Variants in LRRC37A2 observed in about 807,000 individuals in gnomAD.
LRRC37A2 encodes the protein leucine rich repeat containing 37 member A2.
Under a neutral mutation model 68.8 loss-of-function variants are expected in LRRC37A2, and 9 were observed. The observed-to-expected ratio is 0.13, with a 90% confidence interval of 0.08 to 0.23. The LOEUF is 0.23. LRRC37A2 is among the 10% of genes least tolerant of loss of function. The probability of loss-of-function intolerance (pLI) is 1.00; values close to 1 mark genes in which losing one functional copy is unlikely to be tolerated. For synonymous variants in LRRC37A2, 63 were observed against 367.6 expected, an observed-to-expected ratio of 0.17 and a Z score of 9.48; for missense variants, 168 against 950.4, an observed-to-expected ratio of 0.18 and a Z score of 10.82.
the LRRC37A2 span, among the ~76,000 whole-genome samples, chr17:46,736,176 C>G: frequency 9.9e-4 from 150 of 152,270 alleles, 1 homozygote; most frequent in South Asian, 3.5e-3. Flanking sequence ...CATCCTAAGA[C>G]AAATACTCTT....
the LRRC37A2 span, among the ~76,000 whole-genome samples, chr17:46,391,527 A>G: frequency 2.9e-5 from 2 of 69,168 alleles, 1 homozygote; most frequent in African/African-American, 7.6e-5. Flanking sequence ...AGGAGCGGGC[A>G]GTATGAGATG....
chr17:46,687,405 C>G, the LRRC37A2 span, among the ~76,000 whole-genome samples: 3 of 151,210 alleles, frequency 2.0e-5, no homozygotes, highest in African/African-American at 7.3e-5. Context: ...AACAAACAAA[C>G]AAAAAAAATT....
At chr17:46,996,582 G>T in the LRRC37A2 span, among the ~76,000 whole-genome samples, 85 of 152,360 alleles carry the variant, frequency 5.6e-4, no homozygotes, top group African/African-American at 1.9e-3. Flanking sequence ...GGGCCCAGGG[G>T]CCCCTAGGCC....
chr17:46,940,233 G>T, the LRRC37A2 span: 6 of 1,421,140 alleles, frequency 4.2e-6, no homozygotes, highest in South Asian at 9.4e-5. Flanking sequence ...TGAGTTTCCT[G>T]GATGCTAATT....
the LRRC37A2 span, among the ~76,000 whole-genome samples, chr17:46,678,516 G>A: frequency 5.4e-3 from 821 of 151,222 alleles, 15 homozygotes; most frequent in African/African-American, 0.018. Context: ...AGAGAATACC[G>A]TTTAAAGGTC....
the LRRC37A2 span, among the ~76,000 whole-genome samples, chr17:46,765,582 CAAG>C: frequency 2.0e-5 from 3 of 152,252 alleles, no homozygotes; most frequent in South Asian, 6.3e-4. Context: ...TCAGGGAAGA[CAAG>C]AGAACAGCTA....
At chr17:46,852,326 C>T in the LRRC37A2 span, among the ~76,000 whole-genome samples, 1 of 151,774 alleles carries the variant, frequency 6.6e-6, no homozygotes, top group Admixed American at 6.6e-5. Context: ...GGAAATGCGA[C>T]CACATCTCAG....
the LRRC37A2 span, among the ~76,000 whole-genome samples, chr17:46,493,683 A>G: frequency 6.7e-6 from 1 of 148,746 alleles, no homozygotes; most frequent in Non-Finnish European, 1.5e-5. Context: ...GACTACAGGC[A>G]CCCGCCCCCA....
the LRRC37A2 span, among the ~76,000 whole-genome samples, chr17:46,742,056 A>C: frequency 6.6e-6 from 1 of 152,202 alleles, no homozygotes; most frequent in East Asian, 1.9e-4. Context: ...ACTGGCCAAT[A>C]GTACTTGTTA....
chr17:46,947,695 A>G, the LRRC37A2 span, among the ~76,000 whole-genome samples: 1 of 152,198 alleles, frequency 6.6e-6, no homozygotes, highest in South Asian at 2.1e-4. Context: ...CTGTCTGTAT[A>G]GTGAGAATAA....
At chr17:46,493,531 T>A in the LRRC37A2 span, among the ~76,000 whole-genome samples, 3 of 109,956 alleles carry the variant, frequency 2.7e-5, no homozygotes, top group African/African-American at 9.8e-5. Context: ...TCTTTTATTT[T>A]ATTTTATTTA....
At chr17:46,928,337 C>T in the LRRC37A2 span, among the ~76,000 whole-genome samples, 77,923 of 151,846 alleles carry the variant, frequency 0.51, 20,081 homozygotes, top group East Asian at 0.55. Flanking sequence ...GATTTGGGGT[C>T]CTGGTTTGCA....
the LRRC37A2 span, among the ~76,000 whole-genome samples, chr17:46,892,067 C>T: frequency 1.3e-5 from 2 of 151,574 alleles, no homozygotes; most frequent in South Asian, 2.1e-4. Flanking sequence ...TACAGGTGTC[C>T]ACCACCATGT....
chr17:46,746,173 A>G, the LRRC37A2 span, among the ~76,000 whole-genome samples: 1 of 152,234 alleles, frequency 6.6e-6, no homozygotes, highest in African/African-American at 2.4e-5. Flanking sequence ...TAAATGTCTG[A>G]TGATAAGCAT....
At chr17:46,917,730 T>G in the LRRC37A2 span, among the ~76,000 whole-genome samples, 1 of 152,346 alleles carries the variant, frequency 6.6e-6, no homozygotes, top group African/African-American at 2.4e-5. Context: ...GTGGGGACTC[T>G]CTGCAGTACC....
At chr17:46,932,070 G>T in the LRRC37A2 span, 1 of 1,613,656 alleles carries the variant, frequency 6.2e-7, no homozygotes, top group Non-Finnish European at 8.5e-7. Context: ...ATTCCAGTCG[G>T]GTTGACCAGT....
chr17:46,918,883 G>A, the LRRC37A2 span, among the ~76,000 whole-genome samples: 23 of 152,118 alleles, frequency 1.5e-4, no homozygotes, highest in Non-Finnish European at 1.8e-4. Context: ...TGTGTACGCT[G>A]TTTCCTCTTC....
chr17:46,888,350 G>A, the LRRC37A2 span, among the ~76,000 whole-genome samples: 2 of 152,156 alleles, frequency 1.3e-5, no homozygotes, highest in Non-Finnish European at 2.9e-5. Context: ...AGTGTCCCCA[G>A]AAAGTGCCTG....
the LRRC37A2 span, chr17:47,018,474 G>A: frequency 6.5e-7 from 1 of 1,530,788 alleles, no homozygotes; most frequent in Non-Finnish European, 9.0e-7. Context: ...GCCTAGTGCA[G>A]AGGTGGGAAA....
Sources: gnomAD v4.1 joint callset for allele counts (sites outside exome capture counted in the v4.1 genomes callset) on GRCh38, gnomAD v4.1.1 for gene constraint, MANE v1.5 for transcripts, NCBI Gene and HGNC (gene_info 2026-07-23, HGNC 2026-07-21) for gene names.